ADAM12: variants seen among roughly 807,000 people sequenced by gnomAD.
The protein encoded by ADAM12 is disintegrin and metalloproteinase domain-containing protein 12.
In ADAM12, 70 loss-of-function variants were observed where a neutral mutation model predicts 106.4. The observed-to-expected ratio is 0.66, with a 90% CI of 0.54 to 0.80. The LOEUF (loss-of-function observed/expected upper bound fraction) is 0.80. ADAM12 is among the 30% of genes least tolerant of loss of function. The pLI is 0.00. For synonymous variants in ADAM12, 420 were observed against 433.5 expected (o/e 0.97, Z 0.39); for missense variants, 1,010 against 1,171.9 (o/e 0.86, Z 2.02).
rs541709963 is a variant in ADAM12 at position 126,232,728 on chromosome 10, A to C, written c.260+46187T>G. Among the ~76,000 whole-genome samples, 13 of 152,348 alleles carry C rather than the reference A, an allele frequency of 8.5e-5. No homozygotes were observed. In the South Asian group the frequency reaches 2.7e-3, roughly 32 times the overall value. On this transcript the variant is annotated intron_variant, in intron 3 of 22. Transcript: ENST00000448723. ...ATGCTCAGCTGGCACATGTGCAGCA[A>C]AACGAGTGACTTGTGAAGATGACAT...
chr10:126,341,148 C>T (rs947000929), intron 1 of ADAM12, among the ~76,000 whole-genome samples: 5 of 152,118 alleles, frequency 3.3e-5, no homozygotes, highest in Non-Finnish European at 5.9e-5. Flanking sequence ...AAATACTTTT[C>T]CTCCCAACCC....
chr10:126,201,726 A>G (rs372287290), intron 3 of ADAM12, among the ~76,000 whole-genome samples: 11 of 152,304 alleles, frequency 7.2e-5, no homozygotes, highest in African/African-American at 1.9e-4. Context: ...AGCCATTCTT[A>G]GAGTGGATCA....
chr10:126,112,636 A>T (rs1024779028), intron 6 of ADAM12, among the ~76,000 whole-genome samples: 2 of 152,168 alleles, frequency 1.3e-5, no homozygotes, highest in Admixed American at 1.3e-4. Flanking sequence ...TGGGAACTTA[A>T]CTCAAGTTAG....
intron 2 of ADAM12, among the ~76,000 whole-genome samples, chr10:126,298,364 C>A (rs538295655): frequency 6.6e-6 from 1 of 152,254 alleles, no homozygotes; most frequent in African/African-American, 2.4e-5. Context: ...ACTAGAGCCA[C>A]ATGGAAATTC....
chr10:126,241,644 C>G (rs72826387), intron 3 of ADAM12, among the ~76,000 whole-genome samples: 1 of 152,156 alleles, frequency 6.6e-6, no homozygotes, highest in Admixed American at 6.5e-5. Context: ...TGAGCCTGAA[C>G]GCTGATTTGC....
chr10:126,180,796 T>C (rs922572450), intron 3 of ADAM12, among the ~76,000 whole-genome samples: 1 of 152,200 alleles, frequency 6.6e-6, no homozygotes, highest in African/African-American at 2.4e-5. Flanking sequence ...ATTTGTTATT[T>C]TGTTGATTTT....
At position 126,160,739 on chromosome 10, in the gene ADAM12, C is replaced by T. The variant is rs141347493; in HGVS notation, c.261-5434G>A. 4.6e-5 allele frequency among the ~76,000 whole-genome samples: 7 copies of T among 152,162 alleles called. No homozygotes were observed. The South Asian group carries it at 6.2e-4, about 14-fold the overall frequency. On this transcript the variant is annotated intron_variant, in intron 3 of 22. Transcript: ENST00000448723. ...TGTTGGCCCTGGGGTGAAATCCCAA[C>T]GCCTCCCGATGGCCTCCGAGGTGCT...
chr10:126,368,470 G>C (rs1264366682), intron 1 of ADAM12, among the ~76,000 whole-genome samples: 2 of 150,416 alleles, frequency 1.3e-5, no homozygotes, highest in Non-Finnish European at 3.0e-5. Context: ...ATTACTATGA[G>C]TTTATCAATA....
chr10:126,348,898 T>C (rs1303878769), intron 1 of ADAM12, among the ~76,000 whole-genome samples: 1 of 152,168 alleles, frequency 6.6e-6, no homozygotes, highest in Non-Finnish European at 1.5e-5. Context: ...TAAGAAAAAA[T>C]TCGTTGTTTA....
At chr10:126,368,352 ATTTG>A (rs1165917008) in intron 1 of ADAM12, among the ~76,000 whole-genome samples, 2 of 125,542 alleles carry the variant, frequency 1.6e-5, no homozygotes, top group African/African-American at 3.0e-5. Flanking sequence ...AGATTGTGTG[ATTTG>A]TTTTTTTTTT....
At chr10:126,344,243 T>G (rs1855051291) in intron 1 of ADAM12, among the ~76,000 whole-genome samples, 2 of 152,232 alleles carry the variant, frequency 1.3e-5, no homozygotes, top group South Asian at 4.1e-4. Context: ...TACATATGGC[T>G]AGCCAGTTTT....
intron 2 of ADAM12, 112 bp from the exon 3 acceptor site, chr10:126,279,100 T>C (rs1423323067): frequency 1.3e-6 from 1 of 764,180 alleles, no homozygotes; most frequent in Non-Finnish European, 2.2e-6. Flanking sequence ...GCGGTCAACC[T>C]AAGAAAGAGC....
chr10:126,313,850 G>A (rs1387819356), intron 2 of ADAM12, among the ~76,000 whole-genome samples: 1 of 152,138 alleles, frequency 6.6e-6, no homozygotes, highest in Non-Finnish European at 1.5e-5. Flanking sequence ...AAAGAAAATG[G>A]TGAGGCAGAG....
intron 3 of ADAM12, among the ~76,000 whole-genome samples, chr10:126,199,613 G>T (rs537826165): frequency 6.6e-6 from 1 of 152,116 alleles, no homozygotes; most frequent in Non-Finnish European, 1.5e-5. Context: ...GTCTCGGACC[G>T]TCTTACACAT....
chr10:126,064,906 C>A lies in ADAM12; in HGVS notation c.1509G>T (p.Val503=). The change falls in exon 14 of 23, where the codon GTG becomes GTT. Residue 503 remains valine (V), a synonymous_variant. Coordinates refer to ENST00000448723, the MANE Select transcript of ADAM12 (RefSeq NM_001288973.2). This position sits in a 1 kb window ranked among gnomAD's most constrained non-coding sequence, Gnocchi z 4.4. Reference sequence around the variant, plus strand: ...GACATGAGTGCCCATCGTGCAGGTACACGTTGGCTGGGCAGTGAGGGCTGG... The same window carrying A: ...GACATGAGTGCCCATCGTGCAGGTAAACGTTGGCTGGGCAGTGAGGGCTGG... The part of the protein sequence containing the change: ...TGASPHCPAN[V]YLHDGHSCQD... 1 of 1,613,194 alleles carries A rather than the reference C, an allele frequency of 6.2e-7. No individual in the cohort carries two copies. Among genetic ancestry groups the A allele is most frequent in the Non-Finnish European group, 8.5e-7 (1 of 1,179,682 alleles).
intron 4 of ADAM12, among the ~76,000 whole-genome samples, chr10:126,152,731 A>G (rs1319531984): frequency 6.6e-6 from 1 of 152,096 alleles, no homozygotes; most frequent in Non-Finnish European, 1.5e-5. Flanking sequence ...CATTTTTACA[A>G]AGAGATTCCA....
chr10:126,100,739 A>G (rs1316267425), intron 9 of ADAM12, among the ~76,000 whole-genome samples: 1 of 152,072 alleles, frequency 6.6e-6, no homozygotes, highest in Admixed American at 6.5e-5. Context: ...AACAAAAAAC[A>G]AAACAAAAAA....
chr10:126,039,064 A>T (rs1235020702), intron 19 of ADAM12, among the ~76,000 whole-genome samples: 1 of 139,752 alleles, frequency 7.2e-6, no homozygotes, highest in African/African-American at 2.7e-5. Flanking sequence ...GGTTCACGCC[A>T]TTCTCATGCC....
chr10:126,365,954 T>C (rs1289133768), intron 1 of ADAM12, among the ~76,000 whole-genome samples: 1 of 152,200 alleles, frequency 6.6e-6, no homozygotes, highest in African/African-American at 2.4e-5. Flanking sequence ...TTCTAAAGTT[T>C]ATTTATATGG....
Sources: allele counts gnomAD v4.1 joint callset (sites outside exome capture counted in the v4.1 genomes callset), GRCh38; gene constraint gnomAD v4.1.1; non-coding constraint Gnocchi (gnomAD v3.1); transcripts MANE v1.5; gene names NCBI Gene and HGNC (gene_info 2026-07-23, HGNC 2026-07-21).